Variants in TAFA5 observed in about 807,000 individuals in gnomAD.
The protein encoded by TAFA5 is TAFA chemokine like family member 5.
A neutral mutation model predicts 15.3 loss-of-function variants in TAFA5; 6 were observed. The observed-to-expected ratio is 0.39, with a 90% CI of 0.21 to 0.77. The LOEUF is 0.77. Ranked by LOEUF, TAFA5 falls within the 30% of genes least tolerant of loss-of-function variation. The pLI is 0.41. For synonymous variants in TAFA5, 103 were observed against 80.7 expected, an observed-to-expected ratio of 1.28 and a Z score of -1.48; for missense variants, 161 against 193.1, an observed-to-expected ratio of 0.83 and a Z score of 0.98.
At chr22:48,730,417 G>T (rs1929838050) in intron 3 of TAFA5, among the ~76,000 whole-genome samples, 2 of 152,078 alleles carry the variant, frequency 1.3e-5, no homozygotes. Flanking sequence ...AAGGCCACAT[G>T]CAGTGCGGTG....
At chr22:48,746,431 C>A (rs905147069) in intron 3 of TAFA5, among the ~76,000 whole-genome samples, 2 of 152,080 alleles carry the variant, frequency 1.3e-5, no homozygotes, top group African/African-American at 4.8e-5. Context: ...GAGTTCAAGG[C>A]TGCAGTGAGC....
At chr22:48,685,732 G>A (rs145539005) in intron 2 of TAFA5, among the ~76,000 whole-genome samples, 41 of 151,898 alleles carry the variant, frequency 2.7e-4, no homozygotes, top group African/African-American at 7.5e-4. Context: ...TGGCTGGGGG[G>A]CTTAGGGTTT....
At chr22:48,576,676 G>A in intron 1 of TAFA5, 1 of 1,198,694 alleles carries the variant, frequency 8.3e-7, no homozygotes, top group Non-Finnish European at 1.0e-6. Flanking sequence ...CGCCGCGCTC[G>A]GCTGAGGCTC....
At chr22:48,544,554 C>T (rs1601568735) in intron 1 of TAFA5, 5 of 397,600 alleles carry the variant, frequency 1.3e-5, no homozygotes, top group South Asian at 3.7e-5. Context: ...GGTGCAACGG[C>T]GCTAACTGCA....
intron 1 of TAFA5, among the ~76,000 whole-genome samples, chr22:48,629,825 G>A (rs547021784): frequency 2.9e-4 from 44 of 152,352 alleles, no homozygotes; most frequent in Admixed American, 2.9e-3. Context: ...AGGAAACCCT[G>A]GATCACAGCC....
chr22:48,617,087 AG>A (rs1470808502), intron 1 of TAFA5, among the ~76,000 whole-genome samples: 16 of 152,176 alleles, frequency 1.1e-4, no homozygotes, highest in Admixed American at 1.0e-3. Flanking sequence ...ACTCCCCAAA[AG>A]ATGTCCGGGT....
At chr22:48,580,178 C>G (rs999033442) in intron 1 of TAFA5, among the ~76,000 whole-genome samples, 2 of 152,202 alleles carry the variant, frequency 1.3e-5, no homozygotes, top group Admixed American at 6.5e-5. Context: ...GATTCAACTT[C>G]CATTGATTTA....
intron 1 of TAFA5, chr22:48,576,498 G>A: frequency 5.4e-6 from 8 of 1,492,666 alleles, no homozygotes; most frequent in Non-Finnish European, 7.2e-6. Context: ...TCCTGAAGGC[G>A]CTCTGGGCAC....
intron 1 of TAFA5, among the ~76,000 whole-genome samples, chr22:48,570,849 T>C (rs993318842): frequency 1.3e-5 from 2 of 152,240 alleles, no homozygotes; most frequent in African/African-American, 2.4e-5. Context: ...TGACTAGAAC[T>C]ATGGAGAAAG....
chr22:48,705,770 G>A (rs528313434), intron 2 of TAFA5, among the ~76,000 whole-genome samples: 22 of 152,324 alleles, frequency 1.4e-4, no homozygotes, highest in African/African-American at 4.8e-4. Flanking sequence ...TCTGGAGGAC[G>A]GTATGTTAGC....
At position 48,598,355 on chromosome 22, in the gene TAFA5, A is replaced by G. The variant is rs963238452; in HGVS notation, c.113-48242A>G. Among the ~76,000 whole-genome samples the G allele has an allele frequency of 8.5e-5, 13 of 152,172 alleles. No homozygotes were observed. The highest frequency in any genetic ancestry group is 2.9e-4 in the African/African-American group (12 of 41,444). ...ACCTGTGGGCACTGTGGCTCCGTCA[A>G]GTTGACACATGTTACCCATCACTTG... On this transcript the variant is annotated intron_variant, in intron 1 of 3. Transcript: ENST00000402357. The surrounding 1 kb of genome is among the most constrained non-coding windows in gnomAD (Gnocchi z 4.0).
intron 1 of TAFA5, among the ~76,000 whole-genome samples, chr22:48,616,265 A>G (rs532739720): frequency 4.7e-4 from 72 of 152,272 alleles, no homozygotes; most frequent in Non-Finnish European, 9.6e-4. Context: ...ACATTCATAC[A>G]GTGTGGCCAA....
At chr22:48,716,822 GA>G in intron 3 of TAFA5, among the ~76,000 whole-genome samples, 1 of 133,858 alleles carries the variant, frequency 7.5e-6, no homozygotes, top group East Asian at 1.9e-4. Flanking sequence ...TGTAGCAGCA[GA>G]GTGTATTACA....
chr22:48,528,731 G>A lies in TAFA5; in HGVS notation c.112+39027G>A, dbSNP rs187111237. On this transcript the variant is annotated intron_variant, in intron 1 of 3. Transcript: ENST00000402357. ...AAAGAGCCAGGAACACCCTGGAAGC[G>A]GAGTGGCCTCAAGTGTGCGTGCAGG... 3.9e-5 allele frequency among the ~76,000 whole-genome samples: 6 copies of A among 152,356 alleles called. No homozygotes were observed. The East Asian group carries it at 9.7e-4, about 25-fold the overall frequency.
rs1055324962 is a variant in TAFA5, at chr22:48,550,298, G to A, written c.112+60594G>A. Among the ~76,000 whole-genome samples the A allele has an allele frequency of 6.6e-6, 1 of 152,232 alleles. No individual in the cohort carries two copies. Among genetic ancestry groups the A allele is most frequent in the African/African-American group, 2.4e-5 (1 of 41,468 alleles). On this transcript the variant is annotated intron_variant, in intron 1 of 3. Coordinates refer to ENST00000402357, the MANE Select transcript of TAFA5 (RefSeq NM_001082967.3). The surrounding 1 kb of genome is among the most constrained non-coding windows in gnomAD (Gnocchi z 4.1). Reference sequence around the variant, plus strand: ...GTGTAGGCCTGGGAGAACAGGGTCAGTGCAGGCCACAGGTGAGGCCAGATG... The same window carrying A: ...GTGTAGGCCTGGGAGAACAGGGTCAATGCAGGCCACAGGTGAGGCCAGATG...
chr22:48,723,543 T>A (rs537772975), intron 3 of TAFA5, among the ~76,000 whole-genome samples: 1 of 152,246 alleles, frequency 6.6e-6, no homozygotes, highest in South Asian at 2.1e-4. Context: ...ACTGTGTGCC[T>A]CCCAGACTGA....
chr22:48,553,473 C>T (rs1003765134), intron 1 of TAFA5, among the ~76,000 whole-genome samples: 6 of 152,298 alleles, frequency 3.9e-5, no homozygotes, highest in African/African-American at 1.4e-4. Flanking sequence ...GCACTGGACA[C>T]CCAGGAGGAG....
intron 1 of TAFA5, among the ~76,000 whole-genome samples, chr22:48,573,274 C>G (rs779564252): frequency 6.6e-6 from 1 of 152,244 alleles, no homozygotes; most frequent in Non-Finnish European, 1.5e-5. Flanking sequence ...ACAGTTTTTT[C>G]TCTTCTGTCC....
chr22:48,684,529 A>G (rs546656240), intron 2 of TAFA5, among the ~76,000 whole-genome samples: 28 of 152,242 alleles, frequency 1.8e-4, no homozygotes, highest in Non-Finnish European at 3.1e-4. Flanking sequence ...GGTAGGAACA[A>G]GGTTGATGCT....
Sources: allele counts gnomAD v4.1 joint callset (sites outside exome capture counted in the v4.1 genomes callset), GRCh38; gene constraint gnomAD v4.1.1; non-coding constraint Gnocchi (gnomAD v3.1); transcripts MANE v1.5; gene names NCBI Gene and HGNC (gene_info 2026-07-23, HGNC 2026-07-21).